GSDMC: variants seen among roughly 807,000 people sequenced by gnomAD.
GSDMC encodes the protein gasdermin-C.
Under a neutral mutation model 58.0 loss-of-function variants are expected in GSDMC, and 59 were observed. The ratio of observed to expected loss-of-function variants is 1.02; its 90% CI spans 0.82 to 1.26. The LOEUF (loss-of-function observed/expected upper bound fraction) is 1.26. GSDMC is among the 50% of genes most tolerant of loss of function. The pLI, the probability that GSDMC is intolerant of heterozygous loss-of-function variation, is 0.00. For missense variants in GSDMC, 659 were observed against 598.5 expected, an observed-to-expected ratio of 1.10 and a Z score of -1.06; for synonymous variants, 241 against 220.2, an observed-to-expected ratio of 1.09 and a Z score of -0.83.
At chr8:129,768,592 G>T (rs2033944606) in intron 3 of GSDMC, among the ~76,000 whole-genome samples, 1 of 152,154 alleles carries the variant, frequency 6.6e-6, no homozygotes, top group African/African-American at 2.4e-5. Flanking sequence ...AGTTTCAACA[G>T]CAGATTCAAT....
the GSDMC span, among the ~76,000 whole-genome samples, chr8:129,741,937 T>TATATATATAC: frequency 6.8e-6 from 1 of 146,350 alleles, no homozygotes; most frequent in Non-Finnish European, 1.5e-5. Flanking sequence ...TATATATATA[T>TATATATATAC]ACATGAAATA....
intron 6 of GSDMC, among the ~76,000 whole-genome samples, chr8:129,760,210 A>G (rs942995969): frequency 1.3e-5 from 2 of 152,132 alleles, no homozygotes; most frequent in African/African-American, 4.8e-5. Flanking sequence ...GAGACTGGGA[A>G]GGGTGGTGGG....
chr8:129,752,138 A>C lies in GSDMC; in HGVS notation c.854T>G (p.Leu285Arg), dbSNP rs368850633. The change falls in exon 8 of 14, where the codon CTG (leucine) becomes CGG (arginine). Residue 285 changes from leucine (L) to arginine (R), a missense_variant. Transcript: ENST00000276708. ...NDMKLKPELF[L>R]TQQFLSGHLP... ...ATGCCCGCTCAAAAATTGCTGTGTC[A>C]GAAATAGCTCTGGAAAGAGAAAGAA... The C allele has an allele frequency of 1.2e-5, 19 of 1,612,942 alleles. No individual in the cohort carries two copies. The highest frequency in any genetic ancestry group is 1.4e-5 in the Non-Finnish European group (17 of 1,179,052).
At chr8:129,729,465 C>G in the GSDMC span, among the ~76,000 whole-genome samples, 1 of 152,088 alleles carries the variant, frequency 6.6e-6, no homozygotes, top group South Asian at 2.1e-4. Context: ...CCCCCCTTCT[C>G]CCACCCCACA....
At chr8:129,720,785 C>T in the GSDMC span, among the ~76,000 whole-genome samples, 1 of 152,150 alleles carries the variant, frequency 6.6e-6, no homozygotes, top group East Asian at 1.9e-4. Flanking sequence ...CACAACAAAT[C>T]TTAGTGGGAA....
chr8:129,781,262 C>T (rs183367990), intron 1 of GSDMC, among the ~76,000 whole-genome samples: 4 of 151,906 alleles, frequency 2.6e-5, no homozygotes, highest in South Asian at 2.1e-4. Flanking sequence ...AAAACAAGAC[C>T]CAATGATCTG....
the GSDMC span, among the ~76,000 whole-genome samples, chr8:129,709,838 G>A: frequency 6.6e-6 from 1 of 152,308 alleles, no homozygotes; most frequent in Middle Eastern, 3.4e-3. Flanking sequence ...CTTCACGTAT[G>A]CTCTTCCCTC....
chr8:129,720,097 C>T, the GSDMC span, among the ~76,000 whole-genome samples: 1 of 152,122 alleles, frequency 6.6e-6, no homozygotes, highest in Non-Finnish European at 1.5e-5. Flanking sequence ...GACACTCAAT[C>T]ATGTAACTAT....
the GSDMC span, among the ~76,000 whole-genome samples, chr8:129,715,915 G>T: frequency 1.3e-5 from 2 of 152,102 alleles, no homozygotes; most frequent in African/African-American, 4.8e-5. Context: ...AGGTTGTAAG[G>T]AGAAAAATAG....
At chr8:129,736,359 T>C in the GSDMC span, among the ~76,000 whole-genome samples, 3 of 152,050 alleles carry the variant, frequency 2.0e-5, no homozygotes, top group Admixed American at 1.3e-4. Flanking sequence ...TAGACCAATA[T>C]CCCTGATGAA....
the GSDMC span, among the ~76,000 whole-genome samples, chr8:129,741,710 G>A: frequency 6.6e-6 from 1 of 151,988 alleles, no homozygotes; most frequent in South Asian, 2.1e-4. Context: ...AGCCATGTTA[G>A]AAGACAGTAT....
At chr8:129,763,946 T>C (rs769008703) in intron 4 of GSDMC, among the ~76,000 whole-genome samples, 4 of 152,188 alleles carry the variant, frequency 2.6e-5, no homozygotes, top group Non-Finnish European at 5.9e-5. Flanking sequence ...TTCTTCGATT[T>C]TGCTTTTTGA....
chr8:129,732,349 C>A, the GSDMC span, among the ~76,000 whole-genome samples: 1 of 149,702 alleles, frequency 6.7e-6, no homozygotes, highest in Admixed American at 6.7e-5. Flanking sequence ...AGCCAAAAGA[C>A]CCTACCCAGC....
the GSDMC span, among the ~76,000 whole-genome samples, chr8:129,718,002 C>A: frequency 3.3e-5 from 5 of 152,136 alleles, no homozygotes; most frequent in African/African-American, 1.2e-4. Flanking sequence ...TCCTCCCTTA[C>A]ACCTTATACA....
At chr8:129,755,377 C>A (rs532206702) in intron 6 of GSDMC, among the ~76,000 whole-genome samples, 59 of 152,096 alleles carry the variant, frequency 3.9e-4, no homozygotes, top group African/African-American at 1.4e-3. Context: ...GCAAAAATAT[C>A]CTCCAAGGAT....
At chr8:129,723,208 G>A in the GSDMC span, among the ~76,000 whole-genome samples, 334 of 151,868 alleles carry the variant, frequency 2.2e-3, 1 homozygote, top group African/African-American at 7.7e-3. Context: ...CTGCTAGGTG[G>A]CCATCCGGGC....
At chr8:129,727,722 G>A in the GSDMC span, among the ~76,000 whole-genome samples, 4 of 152,158 alleles carry the variant, frequency 2.6e-5, no homozygotes, top group Non-Finnish European at 4.4e-5. Context: ...GCATGACTGC[G>A]CAGGCATTTT....
the GSDMC span, among the ~76,000 whole-genome samples, chr8:129,725,914 C>A: frequency 6.6e-6 from 1 of 152,170 alleles, no homozygotes; most frequent in Admixed American, 6.5e-5. Flanking sequence ...AACTTTGTAT[C>A]CACCAAGATA....
the GSDMC span, chr8:129,728,913 C>A: frequency 1.5e-6 from 1 of 663,020 alleles, no homozygotes; most frequent in Non-Finnish European, 2.9e-6. Flanking sequence ...GTCTGAAGCC[C>A]ATTTGAAGGT....
Sources: allele counts gnomAD v4.1 joint callset (sites outside exome capture counted in the v4.1 genomes callset), GRCh38; gene constraint gnomAD v4.1.1; transcripts MANE v1.5; gene names NCBI Gene and HGNC (gene_info 2026-07-23, HGNC 2026-07-21).